Variants in CHL1 observed in about 807,000 individuals in gnomAD.
CHL1 encodes the protein cell adhesion molecule L1 like, also known as neural cell adhesion molecule L1-like protein.
Under a neutral mutation model 141.9 loss-of-function variants are expected in CHL1, and 96 were observed. The ratio of observed to expected loss-of-function variants is 0.68; its 90% CI spans 0.57 to 0.80. CHL1 has a LOEUF of 0.80. Among genes scored for constraint, CHL1 ranks in the 30% least tolerant of loss-of-function variants. CHL1 has a pLI of 0.00. For synonymous variants in CHL1, 613 were observed against 502.2 expected (o/e 1.22, Z -2.95); for missense variants, 1,820 against 1,457.2 (o/e 1.25, Z -4.05).
chr3:220,525 T>A (rs466892), intron 1 of CHL1, among the ~76,000 whole-genome samples: 100,244 of 151,142 alleles, frequency 0.66, 35,531 homozygotes, highest in East Asian at 0.98. Context: ...GTTTTTTTTT[T>A]AAAAAAAGGT....
chr3:295,342 G>C lies in CHL1; in HGVS notation c.-94-24341G>C, dbSNP rs142427888. Among the ~76,000 whole-genome samples, 500 of 152,326 alleles carry C rather than the reference G, an allele frequency of 3.3e-3. 2 individuals carry two copies. The highest frequency in any genetic ancestry group is 0.012 in the African/African-American group (479 of 41,584). ...TTAGGAGAGTTTCTAGTGTCCCGAA[G>C]CCACAGAAGAAGCAGCTGCTTAAAC... On this transcript the variant is annotated intron_variant, in intron 2 of 27. Coordinates refer to ENST00000256509, the MANE Select transcript of CHL1 (RefSeq NM_006614.4).
At chr3:393,784 GTGA>G (rs1247754812) in intron 23 of CHL1, among the ~76,000 whole-genome samples, 1 of 152,084 alleles carries the variant, frequency 6.6e-6, no homozygotes, top group Non-Finnish European at 1.5e-5. Flanking sequence ...ATCTAAAAAA[GTGA>G]TGATTTCACC....
intron 2 of CHL1, among the ~76,000 whole-genome samples, chr3:307,717 C>T (rs748071992): frequency 6.6e-6 from 1 of 152,002 alleles, no homozygotes; most frequent in African/African-American, 2.4e-5. Flanking sequence ...TTAAGCCATA[C>T]TTACACACTT....
chr3:332,821 G>A (rs1488216364), intron 5 of CHL1, among the ~76,000 whole-genome samples: 1 of 152,118 alleles, frequency 6.6e-6, no homozygotes, highest in East Asian at 1.9e-4. Flanking sequence ...CCAGAGAAAA[G>A]GACAGATAAA....
intron 22 of CHL1, among the ~76,000 whole-genome samples, chr3:391,375 A>G (rs1240349631): frequency 6.6e-6 from 1 of 152,024 alleles, no homozygotes. Flanking sequence ...AATTAGCCAG[A>G]TGTAGTAGTG....
intron 1 of CHL1, among the ~76,000 whole-genome samples, chr3:229,425 C>G (rs1409055486): frequency 6.6e-6 from 1 of 152,120 alleles, no homozygotes; most frequent in Non-Finnish European, 1.5e-5. Context: ...TCAGTTGCAG[C>G]CACTCCAGGT....
At chr3:317,345 A>C (rs1256689738) in intron 2 of CHL1, among the ~76,000 whole-genome samples, 1 of 152,008 alleles carries the variant, frequency 6.6e-6, no homozygotes, top group African/African-American at 2.4e-5. Context: ...TACTGCCCTA[A>C]GTCAAGAGAT....
intron 2 of CHL1, among the ~76,000 whole-genome samples, chr3:257,758 G>A (rs1260007286): frequency 6.6e-6 from 1 of 152,204 alleles, no homozygotes; most frequent in Admixed American, 6.5e-5. Context: ...ATGTAAAGTA[G>A]TGTTGATTTC....
intron 2 of CHL1, among the ~76,000 whole-genome samples, chr3:290,042 G>T (rs1574972101): frequency 6.9e-6 from 1 of 144,816 alleles, no homozygotes; most frequent in Admixed American, 7.3e-5. Flanking sequence ...ACCCCTCATT[G>T]AAGCTTGTTC....
intron 2 of CHL1, among the ~76,000 whole-genome samples, chr3:278,964 C>A (rs748046010): frequency 2.4e-4 from 37 of 152,158 alleles, no homozygotes; most frequent in Admixed American, 2.3e-3. Flanking sequence ...TTCAAGCAAC[C>A]TTGAGCTTCC....
intron 1 of CHL1, among the ~76,000 whole-genome samples, chr3:210,233 C>T (rs953034226): frequency 5.9e-5 from 9 of 152,248 alleles, no homozygotes; most frequent in African/African-American, 2.2e-4. Context: ...CATTTTTCCA[C>T]TTACCTATCA....
At chr3:274,958 A>G (rs1162675141) in intron 2 of CHL1, among the ~76,000 whole-genome samples, 1 of 152,218 alleles carries the variant, frequency 6.6e-6, no homozygotes, top group Non-Finnish European at 1.5e-5. Flanking sequence ...TTTTTATGAG[A>G]CAAGAAGCAA....
intron 2 of CHL1, among the ~76,000 whole-genome samples, chr3:300,499 A>T (rs1698625857): frequency 6.6e-6 from 1 of 152,090 alleles, no homozygotes; most frequent in Non-Finnish European, 1.5e-5. Flanking sequence ...TTAAGCTATA[A>T]TTTTTACTAT....
At chr3:356,135 T>C (rs1283190595) in intron 11 of CHL1, among the ~76,000 whole-genome samples, 1 of 152,200 alleles carries the variant, frequency 6.6e-6, no homozygotes, top group Admixed American at 6.5e-5. Flanking sequence ...TTGGGATTTT[T>C]CTCTTCATCT....
At chr3:286,080 T>C (rs753896441) in intron 2 of CHL1, among the ~76,000 whole-genome samples, 6 of 152,190 alleles carry the variant, frequency 3.9e-5, no homozygotes, top group Non-Finnish European at 8.8e-5. Flanking sequence ...ATAATTCTGA[T>C]TCCAAGTTAG....
rs1033535716 is a variant in CHL1, at chr3:398,969, A to G, written c.3254-48A>G. ...ATTTTCCCCAATGTTACAGAATACA[A>G]AAGACTGTTTCTAGTTTACAATGCT... On this transcript the variant is annotated intron_variant, in intron 25 of 27. Transcript: ENST00000256509. 4.4e-6 allele frequency: 7 copies of G among 1,584,206 alleles called. No homozygotes were observed. In the African/African-American group the frequency reaches 8.1e-5, roughly 18 times the overall value.
At chr3:352,436 A>T (rs1703350709) in intron 10 of CHL1, among the ~76,000 whole-genome samples, 1 of 152,154 alleles carries the variant, frequency 6.6e-6, no homozygotes, top group South Asian at 2.1e-4. Context: ...AGACATTTGC[A>T]TCTGTTTCCA....
intron 1 of CHL1, among the ~76,000 whole-genome samples, chr3:218,205 T>C (rs1442231973): frequency 6.6e-6 from 1 of 152,174 alleles, no homozygotes; most frequent in Non-Finnish European, 1.5e-5. Context: ...GGGTGAAATT[T>C]TGTGAGCTTC....
intron 16 of CHL1, among the ~76,000 whole-genome samples, chr3:378,470 C>G (rs1429322695): frequency 6.6e-6 from 1 of 152,168 alleles, no homozygotes; most frequent in African/African-American, 2.4e-5. Context: ...AATCAGGAAA[C>G]AGTGTGCACA....
Sources: gnomAD v4.1 joint callset for allele counts (sites outside exome capture counted in the v4.1 genomes callset) on GRCh38, gnomAD v4.1.1 for gene constraint, MANE v1.5 for transcripts, NCBI Gene and HGNC (gene_info 2026-07-23, HGNC 2026-07-21) for gene names.